Variants in CDH4 observed in about 807,000 individuals in gnomAD.
CDH4 encodes cadherin-4.
Under a neutral mutation model 86.0 loss-of-function variants are expected in CDH4, and 33 were observed. The ratio of observed to expected loss-of-function variants is 0.38; its 90% CI spans 0.29 to 0.51. The LOEUF (loss-of-function observed/expected upper bound fraction) is 0.51, where lower values mean the gene tolerates loss of function less well. Ranked by LOEUF, CDH4 falls within the 20% of genes least tolerant of loss-of-function variation. The pLI is 0.86. For synonymous variants in CDH4, 555 were observed against 549.4 expected, an observed-to-expected ratio of 1.01 and a Z score of -0.14; for missense variants, 1,114 against 1,307.4, an observed-to-expected ratio of 0.85 and a Z score of 2.28.
intron 2 of CDH4, among the ~76,000 whole-genome samples, chr20:61,503,021 T>A (rs935138996): frequency 6.6e-6 from 1 of 152,088 alleles, no homozygotes; most frequent in Admixed American, 6.5e-5. Context: ...CTTGATGGAA[T>A]CCCAGGGAGA....
intron 2 of CDH4, chr20:61,570,237 A>G (rs2086331824): frequency 5.6e-6 from 1 of 178,672 alleles, no homozygotes; most frequent in Non-Finnish European, 1.2e-5. Context: ...TCTATGGTAC[A>G]GCAAGAGAAG....
intron 2 of CDH4, among the ~76,000 whole-genome samples, chr20:61,396,033 G>T (rs781640944): frequency 1.3e-5 from 2 of 152,092 alleles, no homozygotes; most frequent in Non-Finnish European, 2.9e-5. Flanking sequence ...ATGTGGGGCC[G>T]CCAAATTTGT....
At chr20:61,370,863 G>C (rs893498090) in intron 2 of CDH4, 1 of 151,620 alleles carries the variant, frequency 6.6e-6, no homozygotes, top group Non-Finnish European at 1.5e-5. Flanking sequence ...CCAGCTCACT[G>C]ATGAACGAGC....
intron 8 of CDH4, among the ~76,000 whole-genome samples, chr20:61,906,975 C>T (rs1010484889): frequency 6.6e-6 from 1 of 152,146 alleles, no homozygotes; most frequent in African/African-American, 2.4e-5. Context: ...CCAGCCACTG[C>T]AGGGGTCACC....
chr20:61,908,276 G>A (rs1374815600), intron 8 of CDH4, among the ~76,000 whole-genome samples: 1 of 152,196 alleles, frequency 6.6e-6, no homozygotes, highest in Non-Finnish European at 1.5e-5. Flanking sequence ...TGGGAAAGGG[G>A]ACCAGCGTAT....
chr20:61,425,675 G>T (rs954080575), intron 2 of CDH4, among the ~76,000 whole-genome samples: 8 of 151,996 alleles, frequency 5.3e-5, no homozygotes, highest in African/African-American at 1.9e-4. Context: ...GGACATTCTC[G>T]AGGGCCCTGC....
At chr20:61,547,696 C>A (rs1409635071) in intron 2 of CDH4, among the ~76,000 whole-genome samples, 1 of 152,190 alleles carries the variant, frequency 6.6e-6, no homozygotes, top group Non-Finnish European at 1.5e-5. Context: ...GAGCTCCTGC[C>A]CCTGCAGACA....
chr20:61,534,648 C>CTTTCTTTTTTTTTTTTTTT (rs1568881693), intron 2 of CDH4, among the ~76,000 whole-genome samples: 1 of 108,384 alleles, frequency 9.2e-6, no homozygotes, highest in African/African-American at 5.3e-5. Context: ...TTCTTTCTTT[C>CTTTCTTTTTTTTTTTTTTT]TTTTCTTTCT....
At chr20:61,343,835 A>T (rs2084662666) in intron 2 of CDH4, among the ~76,000 whole-genome samples, 1 of 152,118 alleles carries the variant, frequency 6.6e-6, no homozygotes, top group African/African-American at 2.4e-5. Context: ...CATTGTGTCA[A>T]CCTCATGTGC....
chr20:61,427,171 G>A (rs1382561755), intron 2 of CDH4, among the ~76,000 whole-genome samples: 2 of 152,196 alleles, frequency 1.3e-5, no homozygotes, highest in Non-Finnish European at 2.9e-5. Context: ...TGCAGAGACC[G>A]TTGAGCCCTT....
intron 2 of CDH4, among the ~76,000 whole-genome samples, chr20:61,648,543 G>T (rs71323515): frequency 6.6e-6 from 1 of 152,204 alleles, no homozygotes; most frequent in African/African-American, 2.4e-5. Context: ...TGGGGATTTG[G>T]AAGTGAATGC....
intron 2 of CDH4, among the ~76,000 whole-genome samples, chr20:61,687,003 C>A (rs544571667): frequency 1.3e-5 from 2 of 149,374 alleles, no homozygotes; most frequent in African/African-American, 4.9e-5. Context: ...GTGATCATCA[C>A]CCCTGTGTTC....
chr20:61,293,976 G>T lies in CDH4; in HGVS notation c.169+39039G>T, dbSNP rs77669629. On this transcript the variant is annotated intron_variant, in intron 2 of 15. Coordinates refer to ENST00000614565, the MANE Select transcript of CDH4 (RefSeq NM_001794.5). Reference sequence around the variant, plus strand: ...GAGGTGCTGGGGGGTCAGCATGGGGGTCTTTGTGGTCGTTTCCTTCTGTTT... The same window carrying T: ...GAGGTGCTGGGGGGTCAGCATGGGGTTCTTTGTGGTCGTTTCCTTCTGTTT... Among the ~76,000 whole-genome samples, 607 of 152,218 alleles carry T rather than the reference G, an allele frequency of 4.0e-3. 4 individuals carry two copies. Among genetic ancestry groups the T allele is most frequent in the African/African-American group, 0.014 (581 of 41,522 alleles).
intron 2 of CDH4, among the ~76,000 whole-genome samples, chr20:61,574,666 G>A (rs1025100238): frequency 2.6e-5 from 4 of 152,188 alleles, no homozygotes; most frequent in African/African-American, 9.7e-5. Context: ...TCCCCACAAA[G>A]CCCTTGTTCC....
chr20:61,805,040 G>A (rs772226502), intron 4 of CDH4, among the ~76,000 whole-genome samples: 5 of 152,216 alleles, frequency 3.3e-5, no homozygotes, highest in Admixed American at 6.5e-5. Flanking sequence ...GGCCAAGAGT[G>A]CATCCCAGTA....
chr20:61,416,008 CTTTTTT>C (rs200908333), intron 2 of CDH4, among the ~76,000 whole-genome samples: 1 of 135,446 alleles, frequency 7.4e-6, no homozygotes. Context: ...CCTCTCCTTC[CTTTTTT>C]TTTTTTTTTT....
intron 7 of CDH4, among the ~76,000 whole-genome samples, chr20:61,877,533 G>T (rs1984086146): frequency 6.6e-6 from 1 of 152,206 alleles, no homozygotes; most frequent in African/African-American, 2.4e-5. Flanking sequence ...TCCGCTGTGT[G>T]TGCCTGGGGA....
Position 61,565,095 on chromosome 20 carries a change from G to GTGGTGC in CDH4, c.170-178466_170-178461dup, listed in dbSNP as rs771113842. Among the ~76,000 whole-genome samples the GTGGTGC allele has an allele frequency of 3.4e-3, 434 of 127,922 alleles. 13 individuals are homozygous for GTGGTGC. Among genetic ancestry groups the GTGGTGC allele is most frequent in the Admixed American group, 0.024 (322 of 13,182 alleles). The allele number at this position is 127,922 out of a possible 152,430, so 83.9% of individuals were successfully genotyped here. ...GGTGGTGGTGGTGGTGGTGCTCTTG[G>GTGGTGC]TGGTGCTCTTGGTGGTGCTGGTGCT... is the stretch of plus-strand genomic sequence containing the variant. On this transcript the variant is annotated intron_variant, in intron 2 of 15. Coordinates refer to ENST00000614565, the MANE Select transcript of CDH4 (RefSeq NM_001794.5).
At chr20:61,325,618 GA>G (rs1299567292) in intron 2 of CDH4, among the ~76,000 whole-genome samples, 1 of 152,020 alleles carries the variant, frequency 6.6e-6, no homozygotes, top group African/African-American at 2.4e-5. Context: ...GAGAGATTAT[GA>G]AGCCAGGAGC....
Sources: gnomAD v4.1 joint callset for allele counts (sites outside exome capture counted in the v4.1 genomes callset) on GRCh38, gnomAD v4.1.1 for gene constraint, MANE v1.5 for transcripts, NCBI Gene and HGNC (gene_info 2026-07-23, HGNC 2026-07-21) for gene names.